Variants in TRPC5 observed in about 807,000 individuals in gnomAD.
The protein encoded by TRPC5 is transient receptor potential cation channel subfamily C member 5, also known as short transient receptor potential channel 5.
In TRPC5, 9 loss-of-function variants were observed where a neutral mutation model predicts 56.5. The ratio of observed to expected loss-of-function variants is 0.16; its 90% CI spans 0.10 to 0.28. The LOEUF (loss-of-function observed/expected upper bound fraction) is 0.28. Among genes scored for constraint, TRPC5 ranks in the 10% least tolerant of loss-of-function variants. The pLI, the probability that TRPC5 is intolerant of heterozygous loss-of-function variation, is 1.00. For synonymous variants in TRPC5, 282 were observed against 278.5 expected (o/e 1.01, Z -0.13); for missense variants, 469 against 748.9 (o/e 0.63, Z 4.36).
rs370924032 is a variant in TRPC5, at chrX:112,070,756, C to G, written c.-22+11123G>C. On this transcript the variant is annotated intron_variant, in intron 1 of 10. Coordinates refer to ENST00000262839, the MANE Select transcript of TRPC5 (RefSeq NM_012471.3). Reference sequence around the variant, plus strand: ...CCACTAAAACTGAAAACTGCCCCCCCCCAAAGTTACTTCCTCCTCCATCCT... The same window carrying G: ...CCACTAAAACTGAAAACTGCCCCCCGCCAAAGTTACTTCCTCCTCCATCCT... Among the ~76,000 whole-genome samples the G allele has an allele frequency of 5.3e-4, 57 of 107,724 alleles. No homozygotes were observed. In the South Asian group the frequency reaches 9.8e-3, roughly 19 times the overall value. The allele number at this position is 107,724 out of a possible 115,157, so 93.5% of individuals were successfully genotyped here.
intron 1 of TRPC5, among the ~76,000 whole-genome samples, chrX:112,003,995 T>C (rs1051686353): frequency 2.7e-5 from 3 of 112,266 alleles, no homozygotes; most frequent in African/African-American, 9.7e-5. Flanking sequence ...GCTTAACATA[T>C]GGCAGGTTTG....
chrX:111,802,681 C>T (rs1008972721), intron 7 of TRPC5, among the ~76,000 whole-genome samples: 1 of 110,995 alleles, frequency 9.0e-6, no homozygotes, highest in African/African-American at 3.3e-5. Flanking sequence ...TTTTAACGAC[C>T]TCCTCTACAT....
intron 3 of TRPC5, among the ~76,000 whole-genome samples, chrX:111,900,437 G>C (rs1925284928): frequency 8.9e-6 from 1 of 111,985 alleles, no homozygotes; most frequent in African/African-American, 3.2e-5. Flanking sequence ...TATAGACCTG[G>C]ACTATTGCAG....
chrX:111,779,965 A>T (rs1032500478), intron 9 of TRPC5, among the ~76,000 whole-genome samples: 1 of 112,026 alleles, frequency 8.9e-6, no homozygotes, highest in Non-Finnish European at 1.9e-5. Flanking sequence ...TTTAAGATTT[A>T]TTATTATAAA....
At chrX:111,900,157 C>G (rs1925270593) in intron 3 of TRPC5, among the ~76,000 whole-genome samples, 1 of 111,896 alleles carries the variant, frequency 8.9e-6, no homozygotes, top group Non-Finnish European at 1.9e-5. Flanking sequence ...AATAAATATT[C>G]AAGGATTATA....
At position 111,772,882 on chromosome X, in the gene TRPC5, A is replaced by G. The variant is rs982722073; in HGVS notation, c.*3431T>C. Among the ~76,000 whole-genome samples, 9 of 111,441 alleles carry G rather than the reference A, an allele frequency of 8.1e-5. No individual in the cohort carries two copies. The highest frequency in any genetic ancestry group is 1.1e-4 in the Non-Finnish European group (6 of 53,134). ...CACCCATGATGTAACATGAATGCCA[A>G]TGGTCATTTGTATTTTCAGGCTAAG... On this transcript the variant is annotated 3_prime_UTR_variant, in exon 11 of 11. Coordinates refer to ENST00000262839, the MANE Select transcript of TRPC5 (RefSeq NM_012471.3).
intron 3 of TRPC5, among the ~76,000 whole-genome samples, chrX:111,874,199 T>C (rs1425136423): frequency 8.9e-6 from 1 of 112,618 alleles, no homozygotes; most frequent in Non-Finnish European, 1.9e-5. Context: ...GTGGTGAGAA[T>C]CTCATTCCTG....
intron 1 of TRPC5, among the ~76,000 whole-genome samples, chrX:111,966,082 CA>C (rs1927562719): frequency 9.0e-6 from 1 of 110,925 alleles, no homozygotes; most frequent in Non-Finnish European, 1.9e-5. Flanking sequence ...AGACTGCTAG[CA>C]AGACTAATAA....
At chrX:111,966,730 A>G (rs1288326406) in intron 1 of TRPC5, among the ~76,000 whole-genome samples, 1 of 112,734 alleles carries the variant, frequency 8.9e-6, no homozygotes, top group African/African-American at 3.2e-5. Context: ...GACAAAAACC[A>G]CATGATTATC....
chrX:111,891,478 G>C (rs1267816207), intron 3 of TRPC5, among the ~76,000 whole-genome samples: 3 of 111,765 alleles, frequency 2.7e-5, no homozygotes, highest in Admixed American at 9.5e-5. Flanking sequence ...TACCCTCTTT[G>C]GTTCTTCATA....
chrX:111,790,556 CATAA>C (rs963257125), intron 7 of TRPC5, among the ~76,000 whole-genome samples: 55 of 111,360 alleles, frequency 4.9e-4, no homozygotes, highest in South Asian at 2.7e-3. Flanking sequence ...CTATAAGTAT[CATAA>C]ATAAATAAAT....
At chrX:111,913,756 A>G (rs760959000) in intron 2 of TRPC5, among the ~76,000 whole-genome samples, 1 of 111,073 alleles carries the variant, frequency 9.0e-6, no homozygotes, top group African/African-American at 3.3e-5. Context: ...GTCAAGAGAT[A>G]GAGACCATCC....
At chrX:111,990,634 AC>A (rs1179936547) in intron 1 of TRPC5, among the ~76,000 whole-genome samples, 1 of 110,480 alleles carries the variant, frequency 9.1e-6, no homozygotes, top group Non-Finnish European at 1.9e-5. Context: ...AGAGCAGACC[AC>A]CTTTATTTCA....
At chrX:112,033,222 G>A (rs900237668) in intron 1 of TRPC5, among the ~76,000 whole-genome samples, 23 of 74,979 alleles carry the variant, frequency 3.1e-4, no homozygotes, top group Non-Finnish European at 5.0e-4. Context: ...ACTGTAGTGG[G>A]GTGGGGGGAG....
At chrX:111,977,496 G>T (rs963693065) in intron 1 of TRPC5, among the ~76,000 whole-genome samples, 3 of 111,807 alleles carry the variant, frequency 2.7e-5, no homozygotes, top group Non-Finnish European at 5.7e-5. Context: ...AACATAAGAC[G>T]TGAAACTACA....
chrX:111,847,007 C>G (rs1979969777), intron 6 of TRPC5, 107 bp downstream of exon 6: 2 of 860,791 alleles, frequency 2.3e-6, no homozygotes, highest in Admixed American at 6.1e-5. Flanking sequence ...CCTTCACAGT[C>G]AAGTGGCAGT....
intron 7 of TRPC5, among the ~76,000 whole-genome samples, chrX:111,801,027 CA>C (rs1382369071): frequency 9.0e-6 from 1 of 111,560 alleles, no homozygotes; most frequent in Non-Finnish European, 1.9e-5. Context: ...AACTTATTGG[CA>C]GTTACTTTCC....
At chrX:111,814,387 A>G (rs1414845396) in intron 7 of TRPC5, among the ~76,000 whole-genome samples, 2 of 110,820 alleles carry the variant, frequency 1.8e-5, no homozygotes, top group Non-Finnish European at 3.8e-5. Context: ...TACTGTTCTA[A>G]TCATTCTGGG....
At chrX:111,872,783 G>T (rs1443326718) in intron 3 of TRPC5, among the ~76,000 whole-genome samples, 3 of 111,775 alleles carry the variant, frequency 2.7e-5, no homozygotes, top group Non-Finnish European at 5.6e-5. Context: ...AATCATCAGA[G>T]AAATGCAAAT....
Sources: gnomAD v4.1 joint callset for allele counts (sites outside exome capture counted in the v4.1 genomes callset) on GRCh38, gnomAD v4.1.1 for gene constraint, MANE v1.5 for transcripts, NCBI Gene and HGNC (gene_info 2026-07-23, HGNC 2026-07-21) for gene names.